The following CAMK2A variants were observed in gnomAD, a reference collection of about 807,000 sequenced individuals.
CAMK2A encodes calcium/calmodulin-dependent protein kinase type II subunit alpha.
In CAMK2A, 7 loss-of-function variants were observed where a neutral mutation model predicts 79.2. That is an observed-to-expected ratio of 0.09 (90% confidence interval 0.05 to 0.17). The LOEUF is 0.17. Among genes scored for constraint, CAMK2A ranks in the 10% least tolerant of loss-of-function variants. The probability of loss-of-function intolerance (pLI) is 1.00; values close to 1 mark genes in which losing one functional copy is unlikely to be tolerated. For missense variants in CAMK2A, 214 were observed against 646.4 expected (o/e 0.33, Z 7.25); for synonymous variants, 242 against 251.7 (o/e 0.96, Z 0.36).
At position 150,250,820 on chromosome 5, in the gene CAMK2A, G is replaced by A. The variant is rs771933701; in HGVS notation, c.694-10C>T. On this transcript the variant is annotated splice_polypyrimidine_tract_variant and intron_variant, in intron 9 of 18. Coordinates refer to ENST00000671881, the MANE Select transcript of CAMK2A (RefSeq NM_015981.4). ...ATTCCGGCGATGGGAACTGGAAGGG[G>A]CAGAGAGGCCAGGTTTGCCCAGCCT... 1 of 1,613,642 alleles carries A rather than the reference G, an allele frequency of 6.2e-7. No individual in the cohort carries two copies. The highest frequency in any genetic ancestry group is 8.5e-7 in the Non-Finnish European group (1 of 1,179,656).
chr5:150,289,843 C>G, upstream of CAMK2A: 1 of 544,584 alleles, frequency 1.8e-6, no homozygotes, highest in African/African-American at 1.9e-5. Flanking sequence ...TGGCAACCAC[C>G]TCCAAAACGC....
intron 2 of CAMK2A, 50 bp from the exon 3 acceptor site, chr5:150,265,065 C>G (rs1281928042): frequency 7.5e-7 from 1 of 1,331,194 alleles, no homozygotes; most frequent in Admixed American, 1.7e-5. Context: ...GAACCATTAC[C>G]CTCCATCTCC....
At chr5:150,260,646 T>C (rs1756268292) in intron 3 of CAMK2A, among the ~76,000 whole-genome samples, 1 of 152,138 alleles carries the variant, frequency 6.6e-6, no homozygotes, top group Admixed American at 6.5e-5. Flanking sequence ...CCAGGTAACC[T>C]GACCTGAGAT....
intron 4 of CAMK2A, 22 bp downstream of exon 4, chr5:150,257,541 C>T (rs1393087343): frequency 6.4e-7 from 1 of 1,558,588 alleles, no homozygotes; most frequent in Middle Eastern, 1.7e-4. Context: ...GTTGGCGCAT[C>T]CCAGGGCGGG....
At chr5:150,279,290 G>A (rs1474514894) in intron 1 of CAMK2A, among the ~76,000 whole-genome samples, 1 of 152,154 alleles carries the variant, frequency 6.6e-6, no homozygotes, top group Non-Finnish European at 1.5e-5. Flanking sequence ...CCACATTGGA[G>A]AGCGCGGTTC....
At chr5:150,263,880 G>A (rs1171120396) in intron 3 of CAMK2A, among the ~76,000 whole-genome samples, 1 of 152,218 alleles carries the variant, frequency 6.6e-6, no homozygotes. Flanking sequence ...GCCAACCCAG[G>A]GATGTCTCTC....
chr5:150,258,434 C>T (rs949995158), intron 3 of CAMK2A, among the ~76,000 whole-genome samples: 3 of 152,210 alleles, frequency 2.0e-5, no homozygotes, highest in South Asian at 2.1e-4. Context: ...ACGATTCATC[C>T]GCACAATGGA....
At position 150,272,207 on chromosome 5, in the gene CAMK2A, C is replaced by T. The variant is rs538153404; in HGVS notation, c.157+858G>A. On this transcript the variant is annotated intron_variant, in intron 2 of 18. Transcript: ENST00000671881. The stretch of plus-strand genomic sequence containing the variant: ...AGGGAGGTGGGTATTAAACAAGGGG[C>T]CTAATCAGTAAACAGGATGAGTCTA... Among the ~76,000 whole-genome samples the T allele has an allele frequency of 2.6e-5, 4 of 152,068 alleles. No individual in the cohort carries two copies. The East Asian group carries it at 7.7e-4, about 29-fold the overall frequency.
intron 17 of CAMK2A, among the ~76,000 whole-genome samples, chr5:150,225,445 A>T (rs1413092672): frequency 6.6e-6 from 1 of 152,154 alleles, no homozygotes; most frequent in East Asian, 1.9e-4. Flanking sequence ...AGGTGAGCAG[A>T]TGTTTAAGCC....
intron 11 of CAMK2A, among the ~76,000 whole-genome samples, chr5:150,248,500 A>G (rs1454275019): frequency 1.3e-5 from 1 of 78,670 alleles, no homozygotes; most frequent in Non-Finnish European, 2.3e-5. Context: ...CCCACCCCAC[A>G]ACAGGCCCCG....
chr5:150,284,602 G>A lies in CAMK2A; in HGVS notation c.62+4962C>T, dbSNP rs529253922. On this transcript the variant is annotated intron_variant, in intron 1 of 18. Coordinates refer to ENST00000671881, the MANE Select transcript of CAMK2A (RefSeq NM_015981.4). The surrounding 1 kb of genome is among the most constrained non-coding windows in gnomAD (Gnocchi z 5.3). ...CTGCAGCGTGCACCAGAACATGTGCGTGCCTGCCGCTCTGATGGCTTGGAG... is the reference window on the plus strand; with the variant it reads ...CTGCAGCGTGCACCAGAACATGTGCATGCCTGCCGCTCTGATGGCTTGGAG... Among the ~76,000 whole-genome samples the A allele has an allele frequency of 2.0e-4, 31 of 152,314 alleles. No individual in the cohort carries two copies. The South Asian group carries it at 4.3e-3, about 21-fold the overall frequency.
At chr5:150,263,773 G>C (rs3776821) in intron 3 of CAMK2A, among the ~76,000 whole-genome samples, 2 of 152,102 alleles carry the variant, frequency 1.3e-5, no homozygotes, top group African/African-American at 2.4e-5. Context: ...TCACACAGCT[G>C]GGGGGTTGGG....
chr5:150,273,660 C>T lies in CAMK2A; in HGVS notation c.63-501G>A, dbSNP rs151240093. Reference sequence around the variant, plus strand: ...CTTTCCACAGATGGTGTCCCACACACGAATGGACTGGACTTTGTATAGAGT... The same window carrying T: ...CTTTCCACAGATGGTGTCCCACACATGAATGGACTGGACTTTGTATAGAGT... On this transcript the variant is annotated intron_variant, in intron 1 of 18. Transcript: ENST00000671881. 1.9e-3 allele frequency among the ~76,000 whole-genome samples: 283 copies of T among 152,232 alleles called. 2 individuals carry two copies. The highest frequency in any genetic ancestry group is 6.6e-3 in the African/African-American group (273 of 41,530).
At chr5:150,252,795 T>C (rs1344022288) in intron 7 of CAMK2A, among the ~76,000 whole-genome samples, 1 of 152,182 alleles carries the variant, frequency 6.6e-6, no homozygotes, top group Non-Finnish European at 1.5e-5. Context: ...ACACAATTAT[T>C]ATTCCCATTT....
At chr5:150,273,951 G>A (rs1756853804) in intron 1 of CAMK2A, among the ~76,000 whole-genome samples, 1 of 152,194 alleles carries the variant, frequency 6.6e-6, no homozygotes. Flanking sequence ...CAGAACTTAT[G>A]TTATCTGGTC....
At chr5:150,281,057 C>T (rs1432562057) in intron 1 of CAMK2A, among the ~76,000 whole-genome samples, 1 of 152,204 alleles carries the variant, frequency 6.6e-6, no homozygotes, top group Non-Finnish European at 1.5e-5. Context: ...GACCATCACC[C>T]AAAACTGAAA....
intron 15 of CAMK2A, among the ~76,000 whole-genome samples, chr5:150,237,117 C>G (rs1755109809): frequency 6.6e-6 from 1 of 152,096 alleles, no homozygotes; most frequent in East Asian, 1.9e-4. Flanking sequence ...CCCACCACCG[C>G]CCAGGTTGGG....
intron 12 of CAMK2A, among the ~76,000 whole-genome samples, chr5:150,245,558 T>C: frequency 6.6e-6 from 1 of 152,130 alleles, no homozygotes; most frequent in East Asian, 1.9e-4. Context: ...CAACCCGAGG[T>C]CTGGCTGCCT....
At chr5:150,265,353 A>G (rs1268948487) in intron 2 of CAMK2A, 2 of 257,612 alleles carry the variant, frequency 7.8e-6, no homozygotes, top group Non-Finnish European at 1.6e-5. Flanking sequence ...CACCTCTACA[A>G]GCAGATCCCG....
Sources: allele counts gnomAD v4.1 joint callset (sites outside exome capture counted in the v4.1 genomes callset), GRCh38; gene constraint gnomAD v4.1.1; non-coding constraint Gnocchi (gnomAD v3.1); transcripts MANE v1.5; gene names NCBI Gene and HGNC (gene_info 2026-07-23, HGNC 2026-07-21).